Variants in TNPO3 observed in about 807,000 individuals in gnomAD.
The protein encoded by TNPO3 is transportin 3, also known as transportin-3.
A neutral mutation model predicts 122.8 loss-of-function variants in TNPO3; 65 were observed. The observed-to-expected ratio is 0.53, with a 90% CI of 0.43 to 0.65. The LOEUF is 0.65. Among genes scored for constraint, TNPO3 ranks in the 30% least tolerant of loss-of-function variants. The pLI, the probability that TNPO3 is intolerant of heterozygous loss-of-function variation, is 0.00. For synonymous variants in TNPO3, 372 were observed against 411.2 expected, an observed-to-expected ratio of 0.90 and a Z score of 1.15; for missense variants, 850 against 1,136.7, an observed-to-expected ratio of 0.75 and a Z score of 3.63.
At chr7:128,961,722 A>AT (rs1237047386) in intron 21 of TNPO3, among the ~76,000 whole-genome samples, 7 of 152,168 alleles carry the variant, frequency 4.6e-5, no homozygotes, top group African/African-American at 1.7e-4. Context: ...CTCGAGCCCC[A>AT]TAAGATTACT....
chr7:128,985,471 C>T (rs1210389675), intron 12 of TNPO3, among the ~76,000 whole-genome samples: 3 of 152,108 alleles, frequency 2.0e-5, no homozygotes, highest in Non-Finnish European at 4.4e-5. Context: ...TGGTGTGCAC[C>T]TGTAGTCCTT....
chr7:128,956,934 G>C (rs766545436), intron 22 of TNPO3, among the ~76,000 whole-genome samples: 3 of 152,192 alleles, frequency 2.0e-5, no homozygotes, highest in Non-Finnish European at 4.4e-5. Flanking sequence ...CATCTTAGAA[G>C]TGTCTGTAAG....
intron 1 of TNPO3, among the ~76,000 whole-genome samples, chr7:129,046,636 C>T (rs1808086747): frequency 6.6e-6 from 1 of 152,140 alleles, no homozygotes; most frequent in Non-Finnish European, 1.5e-5. Flanking sequence ...TATTCCATGA[C>T]CCATGTATTA....
rs1009190674 is a variant in TNPO3 at position 129,002,583 on chromosome 7, T to C, written c.697-1349A>G. Among the ~76,000 whole-genome samples the C allele has an allele frequency of 3.0e-4, 46 of 152,316 alleles. 1 individual carries two copies. The highest frequency in any genetic ancestry group is 1.0e-3 in the African/African-American group (43 of 41,584). On this transcript the variant is annotated intron_variant, in intron 5 of 22. Transcript: ENST00000265388. ...ATTTATTAGGTATTCTTAGATTGAA[T>C]AGTAGGTTCAAAGATTCTCATTATA...
intron 11 of TNPO3, among the ~76,000 whole-genome samples, chr7:128,987,534 T>C (rs1044019473): frequency 6.6e-6 from 1 of 152,198 alleles, no homozygotes; most frequent in Non-Finnish European, 1.5e-5. Context: ...TTTTATCTTC[T>C]TTTATAAAAA....
chr7:129,021,665 A>G (rs1398074675), intron 1 of TNPO3, among the ~76,000 whole-genome samples: 1 of 152,192 alleles, frequency 6.6e-6, no homozygotes, highest in East Asian at 1.9e-4. Context: ...TGGCTGAAAG[A>G]GAAAATAAGC....
At chr7:128,964,984 A>C (rs1346067695) in intron 21 of TNPO3, among the ~76,000 whole-genome samples, 1 of 152,150 alleles carries the variant, frequency 6.6e-6, no homozygotes, top group East Asian at 1.9e-4. Flanking sequence ...AAACTGTAAA[A>C]CTCTTACAAG....
intron 12 of TNPO3, among the ~76,000 whole-genome samples, chr7:128,985,935 A>G (rs77237876): frequency 0.016 from 2,362 of 152,324 alleles, 31 homozygotes; most frequent in South Asian, 0.043. Flanking sequence ...GGCTTAGAAG[A>G]TATCACACAG....
At position 128,955,123 on chromosome 7, in the gene TNPO3, C is replaced by T; in HGVS notation, c.*294G>A. The T allele has an allele frequency of 1.3e-4, 40 of 301,150 alleles. No homozygotes were observed. The highest frequency in any genetic ancestry group is 2.2e-4 in the East Asian group (2 of 9,100). 18.7% of individuals were successfully genotyped at this position (301,150 alleles called of 1,614,324 possible). On this transcript the variant is annotated 3_prime_UTR_variant, in exon 23 of 23. Transcript: ENST00000265388. ...TTTTTCTTTACTTAAAATTATTTTT[C>T]CTTTTAGAAAGTTCACCAGGAAACC...
rs1393354725 is a variant in TNPO3 at position 128,970,139 on chromosome 7, C to T, written c.2598+9G>A. ...CTATGAGATAAATTCCTCATGAAAACAATCTTACCGGTCTGTCAACCTGCA... is the reference window on the plus strand; with the variant it reads ...CTATGAGATAAATTCCTCATGAAAATAATCTTACCGGTCTGTCAACCTGCA... On this transcript the variant is annotated intron_variant, in intron 20 of 22. Transcript: ENST00000265388. 3 of 1,613,836 alleles carry T rather than the reference C, an allele frequency of 1.9e-6. No homozygotes were observed. Among genetic ancestry groups the T allele is most frequent in the Admixed American group, 3.3e-5 (2 of 59,980 alleles).
intron 8 of TNPO3, among the ~76,000 whole-genome samples, chr7:128,994,215 T>C (rs1563096694): frequency 6.6e-6 from 1 of 152,264 alleles, no homozygotes; most frequent in Admixed American, 6.5e-5. Context: ...TGGAGTGCAG[T>C]GGTGCGATCT....
At position 128,973,630 on chromosome 7, in the gene TNPO3, G is replaced by GGAGGCT. The variant is rs1798714094; in HGVS notation, c.2274-1054_2274-1049dup. On this transcript the variant is annotated intron_variant, in intron 18 of 22. Transcript: ENST00000265388. ...GGGTGCCTGTAGTCCCAGCTACTCG[G>GGAGGCT]GAGGCTGAGGCAGGAGAATGGCGTG... is the stretch of plus-strand genomic sequence containing the variant. Among the ~76,000 whole-genome samples, 3 of 149,604 alleles carry GGAGGCT rather than the reference G, an allele frequency of 2.0e-5. No homozygotes were observed. The South Asian group carries it at 6.4e-4, about 32-fold the overall frequency.
intron 1 of TNPO3, among the ~76,000 whole-genome samples, chr7:129,043,967 A>G (rs1041302162): frequency 6.6e-5 from 10 of 152,236 alleles, no homozygotes; most frequent in Non-Finnish European, 1.5e-4. Flanking sequence ...CAGTTTTATA[A>G]CCCATATAAA....
intron 1 of TNPO3, chr7:129,030,254 A>T: frequency 4.3e-6 from 1 of 231,638 alleles, no homozygotes; most frequent in Admixed American, 5.0e-5. Flanking sequence ...CAGATTGTTG[A>T]GCACTGTGAT....
chr7:129,008,003 G>A (rs1802764957), intron 4 of TNPO3, among the ~76,000 whole-genome samples: 1 of 151,854 alleles, frequency 6.6e-6, no homozygotes, highest in Admixed American at 6.6e-5. Context: ...ACAAAAATTA[G>A]CCAGGTGTGG....
chr7:129,019,163 T>C lies in TNPO3; in HGVS notation c.121-1006A>G, dbSNP rs149180542. Among the ~76,000 whole-genome samples, 15 of 152,292 alleles carry C rather than the reference T, an allele frequency of 9.8e-5. No homozygotes were observed. The East Asian group carries it at 1.7e-3, about 18-fold the overall frequency. On this transcript the variant is annotated intron_variant, in intron 1 of 22. Transcript: ENST00000265388. ...TCTGCTCTCTAGTAGCCAGTCACAA[T>C]TATAAAGGGGAGTCATATTTTGAAG...
intron 14 of TNPO3, among the ~76,000 whole-genome samples, chr7:128,980,780 AT>A (rs1222065235): frequency 2.0e-5 from 3 of 152,250 alleles, no homozygotes; most frequent in Non-Finnish European, 2.9e-5. Context: ...TAACAAAAAA[AT>A]ATACACAGGT....
intron 5 of TNPO3, among the ~76,000 whole-genome samples, chr7:129,003,308 T>G (rs985478984): frequency 1.3e-5 from 2 of 149,846 alleles, no homozygotes; most frequent in East Asian, 3.9e-4. Flanking sequence ...TTTTTTTTTT[T>G]TTTTTTTTTT....
intron 21 of TNPO3, 152 bp downstream of exon 21, chr7:128,967,128 A>C (rs1797998957): frequency 1.7e-6 from 1 of 601,176 alleles, no homozygotes; most frequent in Admixed American, 2.9e-5. Context: ...AGCATGGTGA[A>C]TGTTTTCCCA....
Sources: gnomAD v4.1 joint callset for allele counts (sites outside exome capture counted in the v4.1 genomes callset) on GRCh38, gnomAD v4.1.1 for gene constraint, MANE v1.5 for transcripts, NCBI Gene and HGNC (gene_info 2026-07-23, HGNC 2026-07-21) for gene names.